Variants in ZFHX3 observed in about 807,000 individuals in gnomAD.
ZFHX3 encodes the protein zinc finger homeobox 3, also known as zinc finger homeobox protein 3.
ZFHX3 carries 42 observed loss-of-function variants against 279.1 expected under a neutral mutation model. The ratio of observed to expected loss-of-function variants is 0.15; its 90% CI spans 0.12 to 0.19. ZFHX3 has a LOEUF of 0.19. ZFHX3 is among the 10% of genes least tolerant of loss of function. The pLI is 1.00. For synonymous variants in ZFHX3, 2,293 were observed against 1,957.8 expected, an observed-to-expected ratio of 1.17 and a Z score of -4.52; for missense variants, 4,981 against 4,754.0, an observed-to-expected ratio of 1.05 and a Z score of -1.40.
At chr16:73,320,629 T>C (rs2015556656) in intron 3 of ZFHX3, among the ~76,000 whole-genome samples, 1 of 152,224 alleles carries the variant, frequency 6.6e-6, no homozygotes, top group African/African-American at 2.4e-5. Flanking sequence ...GCTTGGTTTC[T>C]TTCTGCTATT....
intron 5 of ZFHX3, among the ~76,000 whole-genome samples, chr16:73,253,618 AT>A (rs34931650): frequency 0.7 from 105,872 of 150,482 alleles, 37,953 homozygotes; most frequent in African/African-American, 0.85. Flanking sequence ...CGCCCGGCTA[AT>A]TTTTTTTTTG....
chr16:73,418,004 A>G, intron 3 of ZFHX3, among the ~76,000 whole-genome samples: 1 of 150,198 alleles, frequency 6.7e-6, no homozygotes, highest in African/African-American at 2.5e-5. Context: ...AAAAAAAAAA[A>G]AAAAAAAAGG....
intron 3 of ZFHX3, among the ~76,000 whole-genome samples, chr16:73,371,578 C>T (rs1483513777): frequency 6.6e-6 from 1 of 151,904 alleles, no homozygotes; most frequent in Non-Finnish European, 1.5e-5. Flanking sequence ...GGGCAGGAAG[C>T]TCCATCCACC....
At chr16:72,829,979 T>C in intron 4 of ZFHX3, 120 bp from the exon 5 acceptor site, 1 of 1,005,602 alleles carries the variant, frequency 9.9e-7, no homozygotes. Context: ...CCCCCTTCTC[T>C]TTCCAGAGGC....
At chr16:73,461,554 T>C (rs2018471223) in intron 2 of ZFHX3, among the ~76,000 whole-genome samples, 1 of 152,212 alleles carries the variant, frequency 6.6e-6, no homozygotes, top group African/African-American at 2.4e-5. Context: ...TTTGGATTCA[T>C]TTTCATGTAT....
chr16:73,678,001 C>A (rs1052175128), intron 2 of ZFHX3, among the ~76,000 whole-genome samples: 19 of 151,976 alleles, frequency 1.3e-4, no homozygotes, highest in African/African-American at 4.3e-4. Flanking sequence ...TAAATATAAT[C>A]CAGTCATTGT....
chr16:72,787,034 T>C lies in ZFHX3; in HGVS notation c.*130A>G, dbSNP rs2035410310. 1 of 1,096,876 alleles carries C rather than the reference T, an allele frequency of 9.1e-7. No individual in the cohort carries two copies. The allele number at this position is 1,096,876 out of a possible 1,614,324, so 67.9% of individuals were successfully genotyped here. On this transcript the variant is annotated 3_prime_UTR_variant, in exon 10 of 10. Transcript: ENST00000268489. ...GGAAAACAACCCACGCTTTTTCTTT[T>C]TTTTCTTTTTTTTTTTTTTTTTGTT...
chr16:73,589,660 A>G (rs1756008642), intron 2 of ZFHX3, among the ~76,000 whole-genome samples: 3 of 135,492 alleles, frequency 2.2e-5, no homozygotes, highest in East Asian at 2.4e-4. Flanking sequence ...AATCCGGGAC[A>G]TGGAGCTTGC....
At chr16:72,829,898 AAAG>A in intron 4 of ZFHX3, 39 bp from the exon 5 acceptor site, 2 of 1,611,596 alleles carry the variant, frequency 1.2e-6, no homozygotes, top group East Asian at 4.5e-5. Flanking sequence ...TTAAAAATAA[AAAG>A]AAGATGAAGG....
At chr16:73,262,045 G>C (rs2013842234) in intron 4 of ZFHX3, among the ~76,000 whole-genome samples, 1 of 152,146 alleles carries the variant, frequency 6.6e-6, no homozygotes, top group South Asian at 2.1e-4. Context: ...CCATATAGCA[G>C]AGAAAATGAA....
At chr16:73,590,849 G>T (rs1442621697) in intron 2 of ZFHX3, among the ~76,000 whole-genome samples, 1 of 152,142 alleles carries the variant, frequency 6.6e-6, no homozygotes, top group Non-Finnish European at 1.5e-5. Flanking sequence ...CAAGGAAAAT[G>T]AGAATCATGT....
chr16:73,575,776 G>C (rs1357016155), intron 2 of ZFHX3, among the ~76,000 whole-genome samples: 2 of 152,166 alleles, frequency 1.3e-5, no homozygotes, highest in Non-Finnish European at 2.9e-5. Flanking sequence ...CCGCGGGGCT[G>C]TTAGGTTCAG....
chr16:73,454,097 G>A (rs909550725), intron 3 of ZFHX3, among the ~76,000 whole-genome samples: 2 of 152,098 alleles, frequency 1.3e-5, no homozygotes, highest in Non-Finnish European at 2.9e-5. Context: ...CATTCCCACT[G>A]CATCCTACCC....
intron 1 of ZFHX3, among the ~76,000 whole-genome samples, chr16:73,812,205 G>A (rs1347296978): frequency 6.6e-6 from 1 of 152,150 alleles, no homozygotes; most frequent in East Asian, 1.9e-4. Flanking sequence ...TCCCATCACT[G>A]AAAGGATGCA....
intron 1 of ZFHX3, among the ~76,000 whole-genome samples, chr16:73,784,368 C>A (rs1959569920): frequency 6.6e-6 from 1 of 151,710 alleles, no homozygotes; most frequent in South Asian, 2.1e-4. Flanking sequence ...AAAGCAATAG[C>A]AATACATGAT....
chr16:73,483,351 A>G lies in ZFHX3; in HGVS notation c.-1546-27093T>C, dbSNP rs78813679. ...CGAGTGAGAGACAGAGAGAGAGAGA[A>G]AGAGAGAGAGAGAGAGAGTTCCTCA... On this transcript the variant is annotated intron_variant, in intron 2 of 17. Transcript: ENST00000641206. The G allele has an allele frequency of 9.0e-3, 3,926 of 433,970 alleles. 96 individuals are homozygous for G. The highest frequency in any genetic ancestry group is 0.06 in the African/African-American group (2,953 of 48,958). 26.9% of individuals were successfully genotyped at this position (433,970 alleles called of 1,614,324 possible).
At chr16:72,988,993 T>A (rs970788586) in intron 1 of ZFHX3, among the ~76,000 whole-genome samples, 2 of 151,938 alleles carry the variant, frequency 1.3e-5, no homozygotes, top group Non-Finnish European at 2.9e-5. Context: ...CTGGACAACA[T>A]AGGGAGACCC....
chr16:73,389,724 A>C (rs538995338), intron 3 of ZFHX3, among the ~76,000 whole-genome samples: 2 of 152,192 alleles, frequency 1.3e-5, no homozygotes, highest in African/African-American at 4.8e-5. Context: ...ACTGGTTCCC[A>C]TTCTGCCCTT....
At chr16:73,426,032 C>T (rs2017804185) in intron 3 of ZFHX3, among the ~76,000 whole-genome samples, 1 of 152,166 alleles carries the variant, frequency 6.6e-6, no homozygotes, top group African/African-American at 2.4e-5. Context: ...TTCCTTCCAG[C>T]CAACCCATAG....
Sources: gnomAD v4.1 joint callset for allele counts (sites outside exome capture counted in the v4.1 genomes callset) on GRCh38, gnomAD v4.1.1 for gene constraint, MANE v1.5 for transcripts, NCBI Gene and HGNC (gene_info 2026-07-23, HGNC 2026-07-21) for gene names.